Variants in BTC observed in about 807,000 individuals in gnomAD.
BTC encodes probetacellulin.
Under a neutral mutation model 18.1 loss-of-function variants are expected in BTC, and 13 were observed. The observed-to-expected ratio is 0.72, with a 90% CI of 0.47 to 1.14. The LOEUF (loss-of-function observed/expected upper bound fraction) is 1.14, where lower values mean the gene tolerates loss of function less well. Ranked by LOEUF, BTC falls within the 50% of genes most tolerant of loss-of-function variation. The pLI, the probability that BTC is intolerant of heterozygous loss-of-function variation, is 0.00. For missense variants in BTC, 247 were observed against 224.2 expected (o/e 1.10, Z -0.65); for synonymous variants, 83 against 79.4 (o/e 1.05, Z -0.24).
At chr4:74,754,895 G>A (rs1724556543) in intron 3 of BTC, among the ~76,000 whole-genome samples, 1 of 151,352 alleles carries the variant, frequency 6.6e-6, no homozygotes. Flanking sequence ...AAGCCAGGGA[G>A]CAATTAAATG....
At chr4:74,790,299 G>T (rs542418679) in intron 1 of BTC, among the ~76,000 whole-genome samples, 1 of 152,208 alleles carries the variant, frequency 6.6e-6, no homozygotes, top group East Asian at 1.9e-4. Flanking sequence ...CTATGTTTGG[G>T]GCACATTTTG....
chr4:74,748,896 T>C (rs1724370178), intron 4 of BTC, among the ~76,000 whole-genome samples: 1 of 152,220 alleles, frequency 6.6e-6, no homozygotes, highest in Non-Finnish European at 1.5e-5. Context: ...TCCAAGTTGA[T>C]ATAACAAAAT....
chr4:74,765,494 C>T (rs1448320596), intron 2 of BTC, among the ~76,000 whole-genome samples: 1 of 152,026 alleles, frequency 6.6e-6, no homozygotes, highest in African/African-American at 2.4e-5. Context: ...ACTTATGAAA[C>T]ACCATAACAC....
intron 2 of BTC, among the ~76,000 whole-genome samples, chr4:74,757,604 A>G (rs1724635211): frequency 6.6e-6 from 1 of 152,252 alleles, no homozygotes. Flanking sequence ...AGGCACTAGA[A>G]AACATCGAAG....
At chr4:74,781,265 C>A (rs534897289) in intron 1 of BTC, among the ~76,000 whole-genome samples, 131 of 152,180 alleles carry the variant, frequency 8.6e-4, no homozygotes, top group African/African-American at 3.0e-3. Context: ...AAGCTGTGTT[C>A]TCTGAACTAT....
At chr4:74,777,829 A>G (rs1372803747) in intron 1 of BTC, among the ~76,000 whole-genome samples, 3 of 152,200 alleles carry the variant, frequency 2.0e-5, no homozygotes. Flanking sequence ...CTAAAAATCA[A>G]GTGAATTATA....
intron 1 of BTC, among the ~76,000 whole-genome samples, chr4:74,773,402 T>G (rs1725095357): frequency 6.6e-6 from 1 of 152,074 alleles, no homozygotes; most frequent in African/African-American, 2.4e-5. Context: ...AAAAAGAGAC[T>G]CAGAAATCAG....
In BTC at chr4:74,744,959, G is replaced by A. The variant is rs1441267828; in HGVS notation, c.*1718C>T. ...AGGATCAAAACAAAATGGCTTGAGA[G>A]ATTTTGTTGGTCAGCCAAACTCAGT... On this transcript the variant is annotated 3_prime_UTR_variant, in exon 6 of 6. Coordinates refer to ENST00000395743, the MANE Select transcript of BTC (RefSeq NM_001729.4). 6.6e-6 allele frequency: 1 copy of A among 152,164 alleles called. No individual in the cohort carries two copies. Among genetic ancestry groups the A allele is most frequent in the Non-Finnish European group, 1.5e-5 (1 of 68,018 alleles). The allele number at this position is 152,164 out of a possible 1,614,324, so 9.4% of individuals were successfully genotyped here. A position where few individuals can be genotyped will look rare whatever the true frequency, so the allele number is the denominator to read the frequency against.
intron 2 of BTC, among the ~76,000 whole-genome samples, chr4:74,763,689 T>C (rs1436697421): frequency 6.6e-6 from 1 of 152,062 alleles, no homozygotes; most frequent in African/African-American, 2.4e-5. Context: ...AATTTCACTT[T>C]TCACGGATGC....
At chr4:74,751,165 T>C (rs1035501781) in intron 3 of BTC, among the ~76,000 whole-genome samples, 1 of 152,206 alleles carries the variant, frequency 6.6e-6, no homozygotes, top group Admixed American at 6.5e-5. Context: ...TGGTTTTATA[T>C]GATCAAATGT....
chr4:74,757,689 C>T (rs920941507), intron 2 of BTC, among the ~76,000 whole-genome samples: 8 of 152,214 alleles, frequency 5.3e-5, no homozygotes, highest in South Asian at 4.2e-4. Context: ...AACAATTAAC[C>T]GGTAAAAACA....
chr4:74,769,489 G>A (rs1465283439), intron 2 of BTC, among the ~76,000 whole-genome samples: 1 of 152,076 alleles, frequency 6.6e-6, no homozygotes, highest in Non-Finnish European at 1.5e-5. Context: ...AAGACATCAT[G>A]ATCCACAAAG....
chr4:74,772,540 G>A (rs1725070018), intron 1 of BTC, among the ~76,000 whole-genome samples: 1 of 151,686 alleles, frequency 6.6e-6, no homozygotes, highest in Admixed American at 6.6e-5. Context: ...AATCCCAAGA[G>A]CAATTTCTAC....
In BTC at chr4:74,745,786, C is replaced by T. The variant is rs1724272692; in HGVS notation, c.*891G>A. ...ATTTATATTTTATTGAGCATAAACACTTACCCAGGGCTTAAGGAATGCCAA... is the reference window on the plus strand; with the variant it reads ...ATTTATATTTTATTGAGCATAAACATTTACCCAGGGCTTAAGGAATGCCAA... On this transcript the variant is annotated 3_prime_UTR_variant, in exon 6 of 6. Coordinates refer to ENST00000395743, the MANE Select transcript of BTC (RefSeq NM_001729.4). 6.6e-6 allele frequency: 1 copy of T among 152,210 alleles called. No individual in the cohort carries two copies. The highest frequency in any genetic ancestry group is 6.5e-5 in the Admixed American group (1 of 15,282). The allele number at this position is 152,210 out of a possible 1,614,324, so 9.4% of individuals were successfully genotyped here.
chr4:74,750,282 A>G (rs183875312), intron 4 of BTC, among the ~76,000 whole-genome samples: 139 of 152,286 alleles, frequency 9.1e-4, no homozygotes, highest in South Asian at 3.5e-3. Flanking sequence ...TTTTGTTTTT[A>G]TCTTTCAATG....
At chr4:74,748,822 T>C (rs1365311877) in intron 4 of BTC, among the ~76,000 whole-genome samples, 1 of 152,190 alleles carries the variant, frequency 6.6e-6, no homozygotes, top group Non-Finnish European at 1.5e-5. Flanking sequence ...TTAACTGAGC[T>C]TCTAGATACA....
At chr4:74,791,476 AC>A (rs1289341663) in intron 1 of BTC, among the ~76,000 whole-genome samples, 2 of 152,262 alleles carry the variant, frequency 1.3e-5, no homozygotes, top group Non-Finnish European at 2.9e-5. Context: ...ATGCCTTTAA[AC>A]AGTTTTAGAA....
chr4:74,769,741 C>T, intron 2 of BTC, among the ~76,000 whole-genome samples: 1 of 152,292 alleles, frequency 6.6e-6, no homozygotes, highest in East Asian at 1.9e-4. Context: ...GAGCATGCAT[C>T]TGTGACCCAA....
intron 2 of BTC, among the ~76,000 whole-genome samples, chr4:74,762,833 C>A (rs782813551): frequency 3.9e-5 from 6 of 152,098 alleles, no homozygotes; most frequent in Non-Finnish European, 8.8e-5. Flanking sequence ...ACAGTGGTAA[C>A]ATAAATAACA....
Sources: gnomAD v4.1 joint callset for allele counts (sites outside exome capture counted in the v4.1 genomes callset) on GRCh38, gnomAD v4.1.1 for gene constraint, MANE v1.5 for transcripts, NCBI Gene and HGNC (gene_info 2026-07-23, HGNC 2026-07-21) for gene names.